The following SLC8A1 variants were observed in gnomAD, a reference collection of about 807,000 sequenced individuals.
The protein encoded by SLC8A1 is sodium/calcium exchanger 1.
In SLC8A1, 18 loss-of-function variants were observed where a neutral mutation model predicts 68.3. The ratio of observed to expected loss-of-function variants is 0.26; its 90% CI spans 0.18 to 0.39. SLC8A1 has a LOEUF of 0.39. Ranked by LOEUF, SLC8A1 falls within the 10% of genes least tolerant of loss-of-function variation. The pLI, the probability that SLC8A1 is intolerant of heterozygous loss-of-function variation, is 1.00. For synonymous variants in SLC8A1, 475 were observed against 415.5 expected, an observed-to-expected ratio of 1.14 and a Z score of -1.74; for missense variants, 985 against 1,156.7, an observed-to-expected ratio of 0.85 and a Z score of 2.15.
chr2:40,309,834 T>C (rs933002629), intron 2 of SLC8A1, among the ~76,000 whole-genome samples: 2 of 152,172 alleles, frequency 1.3e-5, no homozygotes, highest in African/African-American at 4.8e-5. Flanking sequence ...ATAATTTACA[T>C]ATAATAAAAT....
intron 7 of SLC8A1, among the ~76,000 whole-genome samples, chr2:40,133,710 C>G (rs532467104): frequency 2.1e-4 from 12 of 57,804 alleles, no homozygotes; most frequent in East Asian, 1.3e-3. Flanking sequence ...ATCCCCCCCC[C>G]CCACCGACTC....
At position 40,322,955 on chromosome 2, in the gene SLC8A1, G is replaced by T. The variant is rs1429182078; in HGVS notation, c.1808+105518C>A. Among the ~76,000 whole-genome samples the T allele has an allele frequency of 5.9e-5, 9 of 151,962 alleles. No homozygotes were observed. The South Asian group carries it at 1.2e-3, about 21-fold the overall frequency. ...GATAAATAGAGACATATTTAGCGTTGTTCAGAAAAGAAGAGGCATATTCCA... is the reference window on the plus strand; with the variant it reads ...GATAAATAGAGACATATTTAGCGTTTTTCAGAAAAGAAGAGGCATATTCCA... On this transcript the variant is annotated intron_variant, in intron 2 of 7. Coordinates refer to ENST00000406785, the Ensembl canonical transcript of SLC8A1.
intron 1 of SLC8A1, among the ~76,000 whole-genome samples, chr2:40,457,783 A>T (rs898450797): frequency 2.0e-5 from 3 of 152,232 alleles, no homozygotes; most frequent in African/African-American, 7.2e-5. Flanking sequence ...TTATCAAAAC[A>T]AAGGATAAAT....
At chr2:40,100,740 A>T (rs1256482480) in exon 8 of SLC8A1, 1 of 152,148 alleles carries the variant, frequency 6.6e-6, no homozygotes, top group Non-Finnish European at 1.5e-5. Flanking sequence ...TCAGCGACAG[A>T]CAATGGACAC....
At chr2:40,408,907 C>T (rs1691244759) in intron 2 of SLC8A1, among the ~76,000 whole-genome samples, 1 of 151,198 alleles carries the variant, frequency 6.6e-6, no homozygotes, top group Non-Finnish European at 1.5e-5. Context: ...CCATAAGAAC[C>T]ATAGAAAAAT....
chr2:40,300,991 A>G (rs1290158404), intron 2 of SLC8A1, among the ~76,000 whole-genome samples: 1 of 152,148 alleles, frequency 6.6e-6, no homozygotes, highest in Admixed American at 6.6e-5. Context: ...TTTCAAGGTG[A>G]AAAGAGGTAA....
chr2:40,239,321 G>C (rs2148952382), intron 2 of SLC8A1, among the ~76,000 whole-genome samples: 1 of 152,182 alleles, frequency 6.6e-6, no homozygotes, highest in South Asian at 2.1e-4. Flanking sequence ...TGTCTGAGTG[G>C]CACACACCAA....
chr2:40,119,564 A>G (rs989795340), intron 7 of SLC8A1, among the ~76,000 whole-genome samples: 33 of 152,224 alleles, frequency 2.2e-4, no homozygotes, highest in African/African-American at 7.0e-4. Flanking sequence ...AAACCAGGCA[A>G]ATGCCATATC....
chr2:40,377,553 C>G (rs1408579342), intron 2 of SLC8A1, among the ~76,000 whole-genome samples: 1 of 152,066 alleles, frequency 6.6e-6, no homozygotes, highest in African/African-American at 2.4e-5. Flanking sequence ...CTTCAGATGC[C>G]AACTCACAGC....
At chr2:40,456,183 G>T (rs1199756684), upstream of SLC8A1, among the ~76,000 whole-genome samples, 1 of 152,094 alleles carries the variant, frequency 6.6e-6, no homozygotes, top group Non-Finnish European at 1.5e-5. Flanking sequence ...GGGCGTGGTG[G>T]CGGGCACCTG....
intron 2 of SLC8A1, among the ~76,000 whole-genome samples, chr2:40,382,732 C>A (rs1415416967): frequency 2.6e-5 from 4 of 151,894 alleles, no homozygotes; most frequent in African/African-American, 9.7e-5. Context: ...AACTGGTGGA[C>A]CTTTGCTTAA....
chr2:40,174,418 A>G (rs115280422), intron 4 of SLC8A1, among the ~76,000 whole-genome samples: 3,743 of 152,232 alleles, frequency 0.025, 168 homozygotes, highest in African/African-American at 0.085. Flanking sequence ...ACCTTATTCT[A>G]GAGCTCTTTG....
chr2:40,369,777 A>C (rs1677433606), intron 2 of SLC8A1, among the ~76,000 whole-genome samples: 1 of 152,094 alleles, frequency 6.6e-6, no homozygotes, highest in Non-Finnish European at 1.5e-5. Context: ...GAGCCAATTG[A>C]GGAATCATCT....
At chr2:40,121,649 G>A (rs372681157) in intron 7 of SLC8A1, among the ~76,000 whole-genome samples, 46 of 152,246 alleles carry the variant, frequency 3.0e-4, no homozygotes, top group African/African-American at 1.1e-3. Context: ...ATAGGGTTTT[G>A]AAGGAAATGA....
At chr2:40,144,450 A>G (rs2042093688) in intron 6 of SLC8A1, among the ~76,000 whole-genome samples, 1 of 152,186 alleles carries the variant, frequency 6.6e-6, no homozygotes, top group Admixed American at 6.5e-5. Context: ...CAGTCCAGGG[A>G]ACATTTTACT....
rs1169808953 is a variant in SLC8A1 at position 40,149,450 on chromosome 2, C to T, written c.2162-9774G>A. Among the ~76,000 whole-genome samples, 6 of 152,122 alleles carry T rather than the reference C, an allele frequency of 3.9e-5. No homozygotes were observed. The East Asian group carries it at 9.6e-4, about 24-fold the overall frequency. ...GTCTGGTGACTGGGAGGCCGAGAAA[C>T]CCCTCTGAGCAGTTGACATGTGAGC... On this transcript the variant is annotated intron_variant, in intron 6 of 7. Transcript: ENST00000406785.
intron 2 of SLC8A1, among the ~76,000 whole-genome samples, chr2:40,296,182 T>C (rs2070343456): frequency 6.6e-6 from 1 of 152,178 alleles, no homozygotes; most frequent in South Asian, 2.1e-4. Flanking sequence ...ACTCCTTCTG[T>C]AGCAACTGAA....
At chr2:40,302,886 A>T (rs978339677) in intron 2 of SLC8A1, among the ~76,000 whole-genome samples, 1 of 152,066 alleles carries the variant, frequency 6.6e-6, no homozygotes, top group Non-Finnish European at 1.5e-5. Flanking sequence ...CCAAACCACA[A>T]TGTGATACCA....
intron 7 of SLC8A1, among the ~76,000 whole-genome samples, chr2:40,122,938 G>T (rs921095136): frequency 6.6e-6 from 1 of 152,136 alleles, no homozygotes; most frequent in Middle Eastern, 3.2e-3. Flanking sequence ...TTCAAAGAAA[G>T]AAATTTATTC....
Sources: allele counts gnomAD v4.1 joint callset (sites outside exome capture counted in the v4.1 genomes callset), GRCh38; gene constraint gnomAD v4.1.1; transcripts MANE v1.5; gene names NCBI Gene and HGNC (gene_info 2026-07-23, HGNC 2026-07-21).